Variants in TPO observed in about 807,000 individuals in gnomAD.
TPO encodes the protein thyroid peroxidase.
A neutral mutation model predicts 96.9 loss-of-function variants in TPO; 78 were observed. The observed-to-expected ratio is 0.81, with a 90% confidence interval of 0.67 to 0.97. The LOEUF is 0.97. TPO is among the 50% of genes least tolerant of loss of function. The pLI, the probability that TPO is intolerant of heterozygous loss-of-function variation, is 0.00. For synonymous variants in TPO, 547 were observed against 538.0 expected (o/e 1.02, Z -0.23); for missense variants, 1,252 against 1,274.8 (o/e 0.98, Z 0.27).
At chr2:1,541,400 C>T (rs1173967114) in intron 16 of TPO, 4 of 178,916 alleles carry the variant, frequency 2.2e-5, no homozygotes, top group Admixed American at 1.7e-4. Flanking sequence ...CTCTGTCGCC[C>T]AGACTGGAGT....
intron 1 of TPO, among the ~76,000 whole-genome samples, chr2:1,397,818 C>T (rs760667029): frequency 1.3e-5 from 2 of 152,152 alleles, no homozygotes; most frequent in African/African-American, 2.4e-5. Flanking sequence ...CCTCTCTGCA[C>T]AACCCCCGAT....
At chr2:1,423,382 C>CT (rs1663989199) in intron 3 of TPO, among the ~76,000 whole-genome samples, 2 of 152,182 alleles carry the variant, frequency 1.3e-5, no homozygotes, top group African/African-American at 4.8e-5. Context: ...GGTTAAAAGA[C>CT]AGTAGAGGCT....
At chr2:1,407,571 C>G (rs1008480097) in intron 1 of TPO, among the ~76,000 whole-genome samples, 1 of 152,148 alleles carries the variant, frequency 6.6e-6, no homozygotes, top group Non-Finnish European at 1.5e-5. Flanking sequence ...TGTCTCTTAG[C>G]AGGTTGTTAG....
chr2:1,453,067 C>G (rs977682334), intron 5 of TPO, among the ~76,000 whole-genome samples: 2 of 152,218 alleles, frequency 1.3e-5, no homozygotes, highest in African/African-American at 4.8e-5. Flanking sequence ...CCAAATCAAA[C>G]AGCCAAATAC....
intron 7 of TPO, among the ~76,000 whole-genome samples, chr2:1,461,781 C>T (rs973766947): frequency 2.0e-5 from 3 of 152,150 alleles, no homozygotes; most frequent in Non-Finnish European, 4.4e-5. Context: ...GCACACACCT[C>T]ACATGCACAC....
At chr2:1,513,323 A>G (rs1331465233) in intron 14 of TPO, 2 of 152,304 alleles carry the variant, frequency 1.3e-5, no homozygotes, top group Non-Finnish European at 1.5e-5. Context: ...CAGCTGAGCC[A>G]TATTTACAGC....
intron 5 of TPO, among the ~76,000 whole-genome samples, chr2:1,437,000 G>T (rs538732061): frequency 1.3e-5 from 2 of 152,316 alleles, no homozygotes; most frequent in Admixed American, 1.3e-4. Context: ...CACCTCCTCT[G>T]GTCCACAATG....
At chr2:1,375,838 CT>C (rs1661714746) in intron 1 of TPO, among the ~76,000 whole-genome samples, 1 of 152,156 alleles carries the variant, frequency 6.6e-6, no homozygotes, top group African/African-American at 2.4e-5. Flanking sequence ...AAGCCACCTC[CT>C]CACTGCGAAT....
chr2:1,461,299 G>A (rs528863489), intron 7 of TPO, among the ~76,000 whole-genome samples: 1 of 152,182 alleles, frequency 6.6e-6, no homozygotes, highest in African/African-American at 2.4e-5. Flanking sequence ...GGATGGCTGC[G>A]TTCGTATAAA....
intron 7 of TPO, among the ~76,000 whole-genome samples, chr2:1,457,578 A>G (rs1268504295): frequency 6.7e-6 from 1 of 148,424 alleles, no homozygotes; most frequent in Non-Finnish European, 1.5e-5. Context: ...AGCATGTATG[A>G]TACTGTGGGT....
At chr2:1,414,343 C>T in intron 1 of TPO, 65 bp from the exon 2 acceptor site, 1 of 1,489,128 alleles carries the variant, frequency 6.7e-7, no homozygotes. Context: ...GAGACAAGGA[C>T]ACAGCGGTTC....
At chr2:1,499,273 C>T (rs570785300) in intron 13 of TPO, among the ~76,000 whole-genome samples, 2 of 152,252 alleles carry the variant, frequency 1.3e-5, no homozygotes, top group African/African-American at 2.4e-5. Flanking sequence ...CCGCCTGGGA[C>T]GTTGCTCATC....
At chr2:1,537,562 C>T (rs1385698415) in intron 15 of TPO, among the ~76,000 whole-genome samples, 2 of 101,318 alleles carry the variant, frequency 2.0e-5, no homozygotes, top group Non-Finnish European at 4.0e-5. Context: ...CCTGAAATCC[C>T]CCAACTGTGT....
At chr2:1,446,435 G>GT (rs1294459460) in intron 5 of TPO, among the ~76,000 whole-genome samples, 5 of 152,188 alleles carry the variant, frequency 3.3e-5, no homozygotes, top group Admixed American at 6.5e-5. Flanking sequence ...GGAGCAAAGT[G>GT]TAAGAGCCCC....
At chr2:1,526,915 CCAAATCCCCTCCACTCTGTGCAACCTCCA>C (rs1676660200) in intron 15 of TPO, among the ~76,000 whole-genome samples, 1 of 147,558 alleles carries the variant, frequency 6.8e-6, no homozygotes, top group Non-Finnish European at 1.5e-5. Flanking sequence ...TGCAACCTCC[CCAAATCCCCTCCACTCTGTGCAACCTCCA>C]CAAATCCCCC....
chr2:1,493,266 T>G (rs893002571), intron 10 of TPO, among the ~76,000 whole-genome samples: 108 of 144,288 alleles, frequency 7.5e-4, no homozygotes, highest in African/African-American at 2.6e-3. Context: ...GGAGGCAAAC[T>G]CTGAAGAGGA....
intron 16 of TPO, chr2:1,541,362 GTT>G (rs78541132): frequency 2.4e-4 from 48 of 201,468 alleles, no homozygotes; most frequent in East Asian, 6.5e-4. Context: ...AAAACAATAG[GTT>G]TTTTTTTTTT....
intron 3 of TPO, among the ~76,000 whole-genome samples, chr2:1,427,760 A>G (rs1430772606): frequency 6.6e-5 from 10 of 152,192 alleles, no homozygotes; most frequent in Admixed American, 6.5e-4. Context: ...GTCTGGGCTC[A>G]CACTCCTTGA....
intron 7 of TPO, among the ~76,000 whole-genome samples, chr2:1,458,027 G>A (rs147241036): frequency 0.011 from 1,572 of 149,390 alleles, 53 homozygotes; most frequent in African/African-American, 0.038. Context: ...GTGTGGGCAC[G>A]TGTGTATATG....
Sources: gnomAD v4.1 joint callset for allele counts (sites outside exome capture counted in the v4.1 genomes callset) on GRCh38, gnomAD v4.1.1 for gene constraint, MANE v1.5 for transcripts, NCBI Gene and HGNC (gene_info 2026-07-23, HGNC 2026-07-21) for gene names.